BTNL8: variants seen among roughly 807,000 people sequenced by gnomAD.
BTNL8 encodes the protein butyrophilin like 8, also known as butyrophilin-like protein 8.
BTNL8 carries 22 observed loss-of-function variants against 36.1 expected under a neutral mutation model. The observed-to-expected ratio is 0.61, with a 90% CI of 0.44 to 0.87. The LOEUF is 0.87. BTNL8 is among the 40% of genes least tolerant of loss of function. BTNL8 has a pLI of 0.00. For missense variants in BTNL8, 526 were observed against 616.9 expected (o/e 0.85, Z 1.56); for synonymous variants, 203 against 235.6 (o/e 0.86, Z 1.27).
At chr5:180,911,657 T>C in intron 3 of BTNL8, 43 bp downstream of exon 3, 1 of 1,550,754 alleles carries the variant, frequency 6.4e-7, no homozygotes, top group Middle Eastern at 1.7e-4. Context: ...GGTGGATGCT[T>C]CGGTAACTCA....
intron 4 of BTNL8, 27 bp downstream of exon 4, chr5:180,947,652 G>A (rs754492652): frequency 8.1e-6 from 13 of 1,614,014 alleles, no homozygotes; most frequent in South Asian, 3.3e-5. Context: ...AGCATGGGCC[G>A]GTGCCTTATT....
chr5:180,906,233 G>T (rs370400544), intron 1 of BTNL8, among the ~76,000 whole-genome samples: 4 of 149,106 alleles, frequency 2.7e-5, no homozygotes, highest in African/African-American at 7.6e-5. Flanking sequence ...ATATTTAGGA[G>T]AGTTAGCTCT....
intron 1 of BTNL8, among the ~76,000 whole-genome samples, chr5:180,906,074 C>A (rs1441287213): frequency 2.8e-5 from 4 of 143,384 alleles, no homozygotes; most frequent in Non-Finnish European, 6.0e-5. Flanking sequence ...TCCTGGGTAT[C>A]CTTTTTGACT....
intron 4 of BTNL8, chr5:180,947,943 C>T (rs999904038): frequency 1.4e-5 from 12 of 829,468 alleles, no homozygotes; most frequent in East Asian, 2.5e-5. Flanking sequence ...ATGTGGTGAA[C>T]AAATTCATAA....
rs760665515 is a variant in BTNL8, at chr5:180,908,608, A to G, written c.72A>G (p.Pro24=). The change falls in exon 2 of 8, where the codon CCA becomes CCG. Residue 24 remains proline, a synonymous_variant. Transcript: ENST00000340184. ...CAGGGCAGTGGCAGGTGTTTGGGCC[A>G]GACAAGCCTGTCCAGGCCTTGGTGG... ...LGSGQWQVFG[P]DKPVQALVGE... is the part of the protein sequence containing the mutation. The G allele has an allele frequency of 6.2e-7, 1 of 1,614,136 alleles. No individual in the cohort carries two copies. Among genetic ancestry groups the G allele is most frequent in the Non-Finnish European group, 8.5e-7 (1 of 1,179,970 alleles).
At chr5:180,900,635 G>C (rs1479428148) in intron 1 of BTNL8, among the ~76,000 whole-genome samples, 1 of 152,200 alleles carries the variant, frequency 6.6e-6, no homozygotes, top group African/African-American at 2.4e-5. Flanking sequence ...GCTGGCATAC[G>C]CTGGGTCCCC....
chr5:180,922,172 T>C (rs1757896995), intron 3 of BTNL8, among the ~76,000 whole-genome samples: 2 of 152,128 alleles, frequency 1.3e-5, no homozygotes, highest in Admixed American at 1.3e-4. Flanking sequence ...TTTTGAATGG[T>C]ATTTCATATC....
At chr5:180,945,875 G>T in intron 3 of BTNL8, 2 of 426,160 alleles carry the variant, frequency 4.7e-6, no homozygotes, top group Non-Finnish European at 9.8e-6. Flanking sequence ...CCATCAGCAC[G>T]CAAAGGACAT....
chr5:180,941,769 C>G (rs931243007), intron 3 of BTNL8, among the ~76,000 whole-genome samples: 3 of 151,966 alleles, frequency 2.0e-5, no homozygotes, highest in African/African-American at 4.8e-5. Flanking sequence ...AAACTCTCAA[C>G]AGTTTAGATG....
At chr5:180,902,223 G>A in intron 1 of BTNL8, 1 of 812,118 alleles carries the variant, frequency 1.2e-6, no homozygotes, top group Non-Finnish European at 1.9e-6. Context: ...GCAGATGGGA[G>A]AGAATGTGGC....
intron 3 of BTNL8, among the ~76,000 whole-genome samples, chr5:180,921,084 GT>G (rs1757842465): frequency 6.6e-6 from 1 of 151,996 alleles, no homozygotes; most frequent in South Asian, 2.1e-4. Flanking sequence ...ACAAAAAACT[GT>G]TAGAGCTAAT....
chr5:180,934,951 G>A (rs1032267489), intron 3 of BTNL8, among the ~76,000 whole-genome samples: 1 of 152,166 alleles, frequency 6.6e-6, no homozygotes, highest in Non-Finnish European at 1.5e-5. Flanking sequence ...TGGAGGGTAA[G>A]GCAGTGAGGA....
At chr5:180,930,523 T>C (rs1758321974) in intron 3 of BTNL8, among the ~76,000 whole-genome samples, 1 of 152,142 alleles carries the variant, frequency 6.6e-6, no homozygotes, top group Non-Finnish European at 1.5e-5. Flanking sequence ...TCAAATTGTC[T>C]CTGTTTGCAG....
Position 180,935,792 on chromosome 5 carries a change from C to A in BTNL8, c.674-11720C>A, listed in dbSNP as rs529373125. On this transcript the variant is annotated intron_variant, in intron 3 of 7. Transcript: ENST00000340184. This position sits in a 1 kb window ranked among gnomAD's most constrained non-coding sequence, Gnocchi z 4.8. The stretch of plus-strand genomic sequence containing the variant: ...GGCCCCAGCCACACCTCCCCTGCTG[C>A]AGCCAGCATCTTCACAGCAACTGCT... Among the ~76,000 whole-genome samples, 380 of 152,152 alleles carry A rather than the reference C, an allele frequency of 2.5e-3. 2 individuals carry two copies. The highest frequency in any genetic ancestry group is 8.9e-3 in the African/African-American group (368 of 41,524).
At chr5:180,922,732 G>T (rs796384061) in intron 3 of BTNL8, among the ~76,000 whole-genome samples, 1 of 151,388 alleles carries the variant, frequency 6.6e-6, no homozygotes. Flanking sequence ...GTGAGTTCAG[G>T]TCCTGAATAT....
intron 4 of BTNL8, chr5:180,947,866 A>G (rs1423690991): frequency 3.6e-6 from 5 of 1,393,348 alleles, no homozygotes; most frequent in Non-Finnish European, 4.9e-6. Flanking sequence ...AATGATTTTC[A>G]GTACCTATAG....
intron 3 of BTNL8, among the ~76,000 whole-genome samples, chr5:180,934,093 T>C (rs1758527380): frequency 6.6e-6 from 1 of 152,144 alleles, no homozygotes; most frequent in Non-Finnish European, 1.5e-5. Context: ...AATTGCCCAC[T>C]GTGACCAAGT....
At chr5:180,915,576 G>T (rs1757590699) in intron 3 of BTNL8, among the ~76,000 whole-genome samples, 2 of 152,216 alleles carry the variant, frequency 1.3e-5, no homozygotes, top group Admixed American at 1.3e-4. Context: ...TAGCCAGGCT[G>T]ACTGGTCAAG....
chr5:180,909,045 C>A, intron 2 of BTNL8, 112 bp downstream of exon 2: 1 of 1,043,180 alleles, frequency 9.6e-7, no homozygotes, highest in Non-Finnish European at 1.4e-6. Context: ...TAGAAGGCAG[C>A]ATTCTATACT....
Sources: allele counts gnomAD v4.1 joint callset (sites outside exome capture counted in the v4.1 genomes callset), GRCh38; gene constraint gnomAD v4.1.1; non-coding constraint Gnocchi (gnomAD v3.1); transcripts MANE v1.5; gene names NCBI Gene and HGNC (gene_info 2026-07-23, HGNC 2026-07-21).